APBB1IP: variants seen among roughly 807,000 people sequenced by gnomAD.
The protein encoded by APBB1IP is amyloid beta A4 precursor protein-binding family B member 1-interacting protein.
APBB1IP carries 27 observed loss-of-function variants against 64.9 expected under a neutral mutation model. That is an observed-to-expected ratio of 0.42 (90% CI 0.31 to 0.57). The LOEUF (loss-of-function observed/expected upper bound fraction) is 0.57, where lower values mean the gene tolerates loss of function less well. APBB1IP is among the 20% of genes least tolerant of loss of function. The probability of loss-of-function intolerance (pLI) is 0.20; values close to 1 mark genes in which losing one functional copy is unlikely to be tolerated. For synonymous variants in APBB1IP, 392 were observed against 331.0 expected, an observed-to-expected ratio of 1.18 and a Z score of -2.00; for missense variants, 812 against 845.5, an observed-to-expected ratio of 0.96 and a Z score of 0.49.
chr10:26,556,506 A>G (rs1208384937), intron 11 of APBB1IP, among the ~76,000 whole-genome samples: 1 of 152,222 alleles, frequency 6.6e-6, no homozygotes, highest in African/African-American at 2.4e-5. Context: ...GACCTGACCT[A>G]TAGCAAGGTT....
chr10:26,521,266 G>A (rs1414203083), intron 8 of APBB1IP, among the ~76,000 whole-genome samples: 1 of 152,154 alleles, frequency 6.6e-6, no homozygotes, highest in Non-Finnish European at 1.5e-5. Context: ...TGAAATCTGA[G>A]TGCACAGACA....
intron 8 of APBB1IP, among the ~76,000 whole-genome samples, chr10:26,524,483 TAC>T (rs1673466840): frequency 6.6e-6 from 1 of 152,170 alleles, no homozygotes; most frequent in African/African-American, 2.4e-5. Context: ...GAGCTCAAAT[TAC>T]ACAGTCTCAG....
chr10:26,493,188 T>C (rs1450471272), intron 3 of APBB1IP, among the ~76,000 whole-genome samples: 1 of 152,218 alleles, frequency 6.6e-6, no homozygotes, highest in African/African-American at 2.4e-5. Context: ...TTATCTCCCT[T>C]GTTCCCTGAA....
At chr10:26,524,257 G>A (rs184315822) in intron 8 of APBB1IP, among the ~76,000 whole-genome samples, 18 of 152,162 alleles carry the variant, frequency 1.2e-4, no homozygotes, top group African/African-American at 4.1e-4. Flanking sequence ...TGTGGCAAGC[G>A]TCCTGCCCCA....
At chr10:26,458,214 C>T (rs756889141) in intron 2 of APBB1IP, among the ~76,000 whole-genome samples, 14 of 152,156 alleles carry the variant, frequency 9.2e-5, no homozygotes, top group African/African-American at 2.2e-4. Flanking sequence ...ACGGTGAAAC[C>T]GCGTCTCTAT....
chr10:26,519,943 T>C (rs142844444), intron 8 of APBB1IP, among the ~76,000 whole-genome samples: 1 of 152,298 alleles, frequency 6.6e-6, no homozygotes, highest in East Asian at 1.9e-4. Context: ...GGCTTTGTAA[T>C]TTGAAATACC....
At chr10:26,548,294 G>A (rs1205112942) in intron 11 of APBB1IP, among the ~76,000 whole-genome samples, 3 of 151,526 alleles carry the variant, frequency 2.0e-5, no homozygotes, top group East Asian at 2.0e-4. Context: ...CCATTAACTC[G>A]TCATTTAACA....
intron 2 of APBB1IP, among the ~76,000 whole-genome samples, chr10:26,452,624 A>G (rs982412837): frequency 3.3e-5 from 5 of 152,242 alleles, no homozygotes; most frequent in African/African-American, 1.2e-4. Context: ...GAGATACTGT[A>G]GGTGTCTGAC....
intron 8 of APBB1IP, among the ~76,000 whole-genome samples, chr10:26,525,834 A>G (rs191548723): frequency 2.6e-5 from 4 of 152,338 alleles, no homozygotes; most frequent in Non-Finnish European, 4.4e-5. Context: ...ATTGCAGGAC[A>G]AAACTGTATG....
At chr10:26,522,196 T>G (rs896871345) in intron 8 of APBB1IP, among the ~76,000 whole-genome samples, 1 of 124,226 alleles carries the variant, frequency 8.0e-6, no homozygotes, top group Non-Finnish European at 1.7e-5. Flanking sequence ...ATGAATAAGT[T>G]TTTATTTTTT....
intron 7 of APBB1IP, among the ~76,000 whole-genome samples, chr10:26,512,617 G>T (rs966977767): frequency 1.3e-5 from 2 of 152,066 alleles, no homozygotes; most frequent in African/African-American, 4.8e-5. Context: ...GGTGGTGGTG[G>T]TGGTGTTGAG....
At chr10:26,479,947 C>T (rs374423828) in intron 2 of APBB1IP, among the ~76,000 whole-genome samples, 4 of 152,202 alleles carry the variant, frequency 2.6e-5, no homozygotes, top group South Asian at 2.1e-4. Context: ...AGAAGTGCAG[C>T]CTTTGTTCTT....
chr10:26,443,434 C>A (rs577000937), intron 2 of APBB1IP, among the ~76,000 whole-genome samples: 1 of 118,314 alleles, frequency 8.5e-6, no homozygotes, highest in East Asian at 2.4e-4. Context: ...GTTTCAAGAG[C>A]GAAACTCCAT....
chr10:26,516,328 C>T (rs1385705613), intron 8 of APBB1IP, among the ~76,000 whole-genome samples: 1 of 151,726 alleles, frequency 6.6e-6, no homozygotes, highest in Non-Finnish European at 1.5e-5. Context: ...CTGAGGCAGG[C>T]GGATCACTTG....
chr10:26,500,312 C>T (rs187073786), intron 4 of APBB1IP, among the ~76,000 whole-genome samples: 6 of 152,194 alleles, frequency 3.9e-5, no homozygotes, highest in East Asian at 1.9e-4. Flanking sequence ...ATAGAAGCTC[C>T]GTCTTCACCC....
Position 26,535,978 on chromosome 10 carries a change from T to G in APBB1IP, c.901-96T>G. The G allele has an allele frequency of 2.2e-6, 3 of 1,340,546 alleles. No individual in the cohort carries two copies. The South Asian group carries it at 4.5e-5, about 20-fold the overall frequency. 83.0% of individuals were successfully genotyped at this position (1,340,546 alleles called of 1,614,324 possible). Reference sequence around the variant, plus strand: ...TCAGAGTTGTACACAAAATTGACTTTTAGTTTAAAAGCTAATTTGTAAGTT... The same window carrying G: ...TCAGAGTTGTACACAAAATTGACTTGTAGTTTAAAAGCTAATTTGTAAGTT... On this transcript the variant is annotated intron_variant, in intron 9 of 14. Transcript: ENST00000376236.
At chr10:26,531,227 T>A (rs1165345492) in intron 8 of APBB1IP, among the ~76,000 whole-genome samples, 1 of 152,042 alleles carries the variant, frequency 6.6e-6, no homozygotes, top group Non-Finnish European at 1.5e-5. Context: ...TCCCAGCTAC[T>A]TGGGAGGATG....
At chr10:26,452,046 C>A (rs1835471051) in intron 2 of APBB1IP, among the ~76,000 whole-genome samples, 1 of 152,114 alleles carries the variant, frequency 6.6e-6, no homozygotes, top group Admixed American at 6.6e-5. Context: ...TAGATGAAGA[C>A]TTATGAGACA....
intron 6 of APBB1IP, among the ~76,000 whole-genome samples, chr10:26,504,567 G>A (rs1381140774): frequency 1.3e-5 from 2 of 152,002 alleles, no homozygotes; most frequent in East Asian, 3.9e-4. Context: ...AAAATTAGCT[G>A]GACGCAGCGG....
Sources: allele counts gnomAD v4.1 joint callset (sites outside exome capture counted in the v4.1 genomes callset), GRCh38; gene constraint gnomAD v4.1.1; transcripts MANE v1.5; gene names NCBI Gene and HGNC (gene_info 2026-07-23, HGNC 2026-07-21).